Variants in KCNMA1 observed in about 807,000 individuals in gnomAD.
KCNMA1 encodes the protein potassium calcium-activated channel subfamily M alpha 1.
A neutral mutation model predicts 140.0 loss-of-function variants in KCNMA1; 29 were observed. The ratio of observed to expected loss-of-function variants is 0.21; its 90% CI spans 0.15 to 0.28. The LOEUF (loss-of-function observed/expected upper bound fraction) is 0.28, where lower values mean the gene tolerates loss of function less well. KCNMA1 is among the 10% of genes least tolerant of loss of function. KCNMA1 has a pLI of 1.00. For missense variants in KCNMA1, 880 were observed against 1,602.2 expected, an observed-to-expected ratio of 0.55 and a Z score of 7.70; for synonymous variants, 612 against 611.9, an observed-to-expected ratio of 1.00 and a Z score of 0.00.
intron 1 of KCNMA1, among the ~76,000 whole-genome samples, chr10:77,589,144 C>T (rs1336701155): frequency 6.6e-6 from 1 of 152,172 alleles, no homozygotes; most frequent in East Asian, 1.9e-4. Context: ...AATCCCTAAT[C>T]TAGTGGGTAA....
At chr10:76,919,780 C>T (rs535131120) in intron 23 of KCNMA1, among the ~76,000 whole-genome samples, 2 of 151,932 alleles carry the variant, frequency 1.3e-5, no homozygotes, top group African/African-American at 4.8e-5. Context: ...GTATTTAAAA[C>T]ATTTAGTACA....
At chr10:77,021,124 C>T (rs1158186225) in intron 16 of KCNMA1, 1 of 152,062 alleles carries the variant, frequency 6.6e-6, no homozygotes, top group Admixed American at 6.5e-5. Flanking sequence ...AATACCTTGC[C>T]CATTAATGAG....
chr10:77,003,815 T>G (rs1053322113), intron 18 of KCNMA1, among the ~76,000 whole-genome samples: 1 of 152,158 alleles, frequency 6.6e-6, no homozygotes, highest in East Asian at 1.9e-4. Context: ...AGGGGAGGGA[T>G]GATGGGGATG....
At chr10:76,953,559 C>T (rs1283010956) in intron 21 of KCNMA1, among the ~76,000 whole-genome samples, 1 of 152,182 alleles carries the variant, frequency 6.6e-6, no homozygotes, top group African/African-American at 2.4e-5. Context: ...ATGGCTTTCC[C>T]ACAGCAAGTG....
At position 77,403,971 on chromosome 10, in the gene KCNMA1, G is replaced by T. The variant is rs1303479899; in HGVS notation, c.431C>A (p.Pro144Gln). The change falls in exon 2 of 28, where the codon CCA (proline) becomes CAA (glutamine). Residue 144 changes from proline (P) to glutamine (Q), a missense_variant. Physicochemically the swap from Pro to Gln is moderately conservative, Grantham distance 76. This residue lies in a region of KCNMA1 where 54 missense variants were observed against 56.4 expected (regional missense o/e 0.96). Transcript: ENST00000286628. ...CACTGCCTCCTCTTTTTCATCCACT[G>T]GTTTGAGAGTGCCATCCGCCTGGCT... ...GSSQADGTLK[P>Q]VDEKEEAVAA... 1 of 1,614,190 alleles carries T rather than the reference G, an allele frequency of 6.2e-7. No homozygotes were observed. The highest frequency in any genetic ancestry group is 1.7e-5 in the Admixed American group (1 of 60,030).
At chr10:77,143,587 T>G (rs2098227420) in intron 5 of KCNMA1, among the ~76,000 whole-genome samples, 1 of 152,106 alleles carries the variant, frequency 6.6e-6, no homozygotes, top group Non-Finnish European at 1.5e-5. Context: ...TCTACAAAAT[T>G]AGTTTGAGAT....
chr10:77,612,342 C>A (rs1374146783), intron 1 of KCNMA1, among the ~76,000 whole-genome samples: 1 of 152,176 alleles, frequency 6.6e-6, no homozygotes, highest in Non-Finnish European at 1.5e-5. Context: ...AAATGTGATG[C>A]ATGAAACAAT....
intron 3 of KCNMA1, among the ~76,000 whole-genome samples, chr10:77,207,358 G>A (rs1158782609): frequency 6.6e-6 from 1 of 152,120 alleles, no homozygotes; most frequent in East Asian, 1.9e-4. Context: ...TTCAGACCAG[G>A]GGTTCAAACT....
At chr10:77,378,349 C>G (rs1199078317) in intron 2 of KCNMA1, among the ~76,000 whole-genome samples, 1 of 152,218 alleles carries the variant, frequency 6.6e-6, no homozygotes, top group African/African-American at 2.4e-5. Context: ...AAAGGCTCAG[C>G]TAGGAAAAGT....
rs2067197915 is a variant in KCNMA1 at position 76,953,924 on chromosome 10, C to T, written c.2361G>A (p.Arg787=). Reference sequence around the variant, plus strand: ...TGCCAGGAATTAACAAGGGGTCATGCCTGGGAAGAAAAGGACAGGAAAACC... The same window carrying T: ...TGCCAGGAATTAACAAGGGGTCATGTCTGGGAAGAAAAGGACAGGAAAACC... ...NSPNTSPKLM[R]HDPLLIPGND... Residue 787 remains arginine, a splice_region_variant and synonymous_variant, in exon 21 of 28, where the codon AGG becomes AGA. Transcript: ENST00000286628. 6.2e-7 allele frequency: 1 copy of T among 1,613,932 alleles called. No homozygotes were observed. The highest frequency in any genetic ancestry group is 1.1e-5 in the South Asian group (1 of 91,058).
At chr10:77,241,663 A>T (rs2057312032) in intron 3 of KCNMA1, among the ~76,000 whole-genome samples, 3 of 151,800 alleles carry the variant, frequency 2.0e-5, no homozygotes, top group Admixed American at 6.6e-5. Flanking sequence ...AAAAAAAAAA[A>T]TTTGCCAGCC....
At position 76,964,252 on chromosome 10, in the gene KCNMA1, C is replaced by A. The variant is rs2072963446; in HGVS notation, c.2360+5722G>T. Among the ~76,000 whole-genome samples, 2 of 152,116 alleles carry A rather than the reference C, an allele frequency of 1.3e-5. 1 individual carries two copies. The highest frequency in any genetic ancestry group is 1.3e-4 in the Admixed American group (2 of 15,280). On this transcript the variant is annotated intron_variant, in intron 20 of 27. Coordinates refer to ENST00000286628, the MANE Select transcript of KCNMA1 (RefSeq NM_001161352.2). ...GCAGAACTAGGGTCCTTTTCAATTTCTCTGCATCTATCTACTTGCATTATT... is the reference window on the plus strand; with the variant it reads ...GCAGAACTAGGGTCCTTTTCAATTTATCTGCATCTATCTACTTGCATTATT...
intron 2 of KCNMA1, among the ~76,000 whole-genome samples, chr10:77,388,703 C>A (rs2095702570): frequency 6.6e-6 from 1 of 152,198 alleles, no homozygotes; most frequent in Non-Finnish European, 1.5e-5. Context: ...TAATTAGCAC[C>A]AGAGGCTGTT....
chr10:77,099,731 A>C (rs533701285), intron 9 of KCNMA1, among the ~76,000 whole-genome samples: 20 of 151,074 alleles, frequency 1.3e-4, no homozygotes, highest in Admixed American at 9.9e-4. Context: ...AAAAAAAAAG[A>C]AAAGGAAAAA....
intron 11 of KCNMA1, 42 bp from the exon 12 acceptor site, chr10:77,084,761 A>C (rs779985606): frequency 7.2e-7 from 1 of 1,381,650 alleles, no homozygotes; most frequent in East Asian, 2.3e-5. Flanking sequence ...CAAACATATA[A>C]ATAGCCATGC....
intron 2 of KCNMA1, among the ~76,000 whole-genome samples, chr10:77,365,733 T>C (rs978425212): frequency 6.6e-6 from 1 of 152,198 alleles, no homozygotes; most frequent in African/African-American, 2.4e-5. Flanking sequence ...ACTTCCCAAA[T>C]GAGTTCTGAG....
chr10:76,987,467 C>T (rs1227890057), intron 19 of KCNMA1, among the ~76,000 whole-genome samples: 1 of 152,170 alleles, frequency 6.6e-6, no homozygotes, highest in African/African-American at 2.4e-5. Flanking sequence ...CTTTCTGGGC[C>T]ATACCCTTTT....
intron 5 of KCNMA1, among the ~76,000 whole-genome samples, chr10:77,125,136 AACT>A (rs1226857613): frequency 6.6e-6 from 1 of 152,154 alleles, no homozygotes; most frequent in Non-Finnish European, 1.5e-5. Context: ...GTATTATGGG[AACT>A]ACAATTCAAG....
At chr10:77,406,136 A>G (rs11002159) in intron 1 of KCNMA1, among the ~76,000 whole-genome samples, 13,091 of 152,278 alleles carry the variant, frequency 0.086, 672 homozygotes, top group East Asian at 0.18. Flanking sequence ...CTGCTGCCCA[A>G]GCCTCCCAGG....
Sources: gnomAD v4.1 joint callset for allele counts (sites outside exome capture counted in the v4.1 genomes callset) on GRCh38, gnomAD v4.1.1 for gene constraint, gnomAD v4.1.1 regional missense constraint, MANE v1.5 for transcripts, NCBI Gene and HGNC (gene_info 2026-07-23, HGNC 2026-07-21) for gene names.